The following AFF1 variants were observed in gnomAD, a reference collection of about 807,000 sequenced individuals.
AFF1 encodes ALF transcription elongation factor 1.
In AFF1, 48 loss-of-function variants were observed where a neutral mutation model predicts 121.7. The observed-to-expected ratio is 0.39, with a 90% CI of 0.31 to 0.50. AFF1 has a LOEUF of 0.50. Ranked by LOEUF, AFF1 falls within the 20% of genes least tolerant of loss-of-function variation. The probability of loss-of-function intolerance (pLI) is 0.76; values close to 1 mark genes in which losing one functional copy is unlikely to be tolerated. For missense variants in AFF1, 1,523 were observed against 1,511.7 expected, an observed-to-expected ratio of 1.01 and a Z score of -0.12; for synonymous variants, 613 against 563.0, an observed-to-expected ratio of 1.09 and a Z score of -1.26.
intron 5 of AFF1, among the ~76,000 whole-genome samples, chr4:87,087,427 G>A (rs951851145): frequency 2.0e-5 from 3 of 152,192 alleles, no homozygotes; most frequent in Non-Finnish European, 4.4e-5. Context: ...GTGTATTAGA[G>A]GAACAATTAG....
At chr4:86,937,442 T>A (rs1222507491) in intron 1 of AFF1, among the ~76,000 whole-genome samples, 2 of 152,198 alleles carry the variant, frequency 1.3e-5, no homozygotes, top group Non-Finnish European at 2.9e-5. Flanking sequence ...TCCTCTCCGG[T>A]TTAACTGAAT....
chr4:86,971,292 C>T (rs1284122772), intron 2 of AFF1, among the ~76,000 whole-genome samples: 2 of 152,218 alleles, frequency 1.3e-5, no homozygotes, highest in Non-Finnish European at 2.9e-5. Flanking sequence ...CGTTTCCTAG[C>T]ATGCATTATA....
chr4:87,124,932 C>A (rs1728076778), intron 12 of AFF1, 105 bp from the exon 13 acceptor site: 2 of 896,180 alleles, frequency 2.2e-6, no homozygotes, highest in Non-Finnish European at 3.3e-6. Flanking sequence ...ACAGAGATGT[C>A]TCCAAAGGTT....
chr4:87,054,318 C>G (rs575931952), intron 4 of AFF1, among the ~76,000 whole-genome samples: 1 of 152,164 alleles, frequency 6.6e-6, no homozygotes, highest in Non-Finnish European at 1.5e-5. Flanking sequence ...ACATGTGGGT[C>G]TCGGGCACAA....
rs555247217 is a variant in AFF1, at chr4:87,044,278, T to G, written c.39-1888T>G. ...CATGTGTCTTCCAGAGTTAAATCTT[T>G]TTTAAATAGTTGTAAGTTTGTAAAA... On this transcript the variant is annotated intron_variant, in intron 2 of 20. Transcript: ENST00000395146. Among the ~76,000 whole-genome samples the G allele has an allele frequency of 5.9e-5, 9 of 152,364 alleles. No individual in the cohort carries two copies. The South Asian group carries it at 1.9e-3, about 32-fold the overall frequency.
At chr4:86,985,479 C>A (rs1578900367) in intron 2 of AFF1, among the ~76,000 whole-genome samples, 1 of 149,088 alleles carries the variant, frequency 6.7e-6, no homozygotes, top group East Asian at 2.0e-4. Flanking sequence ...GCACTCCAGC[C>A]CGGGCCGACA....
rs1728295096 is a variant in AFF1 at position 87,024,140 on chromosome 4, A to ATGGCAAGTG, written c.39-22025_39-22017dup. On this transcript the variant is annotated intron_variant, in intron 2 of 20. Transcript: ENST00000395146. ...CCATTATACAGATAAACTGAGGCTC[A>ATGGCAAGTG]TGGCAAGTGACGGCTGATACACAGC... Among the ~76,000 whole-genome samples, 19 of 152,344 alleles carry ATGGCAAGTG rather than the reference A, an allele frequency of 1.2e-4. No individual in the cohort carries two copies. The South Asian group carries it at 3.7e-3, about 30-fold the overall frequency.
intron 4 of AFF1, among the ~76,000 whole-genome samples, chr4:87,072,157 A>T (rs755583699): frequency 6.6e-6 from 1 of 152,144 alleles, no homozygotes; most frequent in Non-Finnish European, 1.5e-5. Flanking sequence ...AAGTCAGGAG[A>T]TCTAGACCAT....
intron 5 of AFF1, among the ~76,000 whole-genome samples, chr4:87,084,983 A>T (rs1001220814): frequency 1.3e-5 from 2 of 152,250 alleles, no homozygotes; most frequent in African/African-American, 4.8e-5. Context: ...CAGTGAGACG[A>T]TGAAATTTTA....
At chr4:87,036,822 C>G (rs764100674) in intron 2 of AFF1, 1 of 511,838 alleles carries the variant, frequency 2.0e-6, no homozygotes, top group South Asian at 1.4e-5. Context: ...TTTTTTCTCT[C>G]TCTCCCCTCC....
At chr4:86,997,743 C>A (rs1445054535) in intron 2 of AFF1, among the ~76,000 whole-genome samples, 5 of 143,632 alleles carry the variant, frequency 3.5e-5, no homozygotes, top group Non-Finnish European at 7.5e-5. Context: ...GCCTGGGCAA[C>A]AGATCGAGAC....
Position 87,127,681 on chromosome 4 carries a change from T to A in AFF1, c.2942T>A (p.Met981Lys). 1 of 1,614,212 alleles carries A rather than the reference T, an allele frequency of 6.2e-7. No homozygotes were observed. Among genetic ancestry groups the A allele is most frequent in the Non-Finnish European group, 8.5e-7 (1 of 1,180,050 alleles). The change falls in exon 16 of 21, where the codon ATG becomes AAG. Residue 981 changes from methionine (M) to lysine (K), a missense_variant. Transcript: ENST00000395146. ...ADLHMREAKK[M>K]KQKAELMTDR... ...CTTCACATGAGGGAGGCAAAAAAGA[T>A]GAAGCAGAAAGCAGAGTTAATGGTT...
chr4:87,060,612 G>C (rs893687128), intron 4 of AFF1, among the ~76,000 whole-genome samples: 1 of 152,058 alleles, frequency 6.6e-6, no homozygotes. Context: ...GCTGAGGCGG[G>C]TGGATCACCT....
rs558224991 is a variant in AFF1, at chr4:87,019,409, C to G, written c.39-26757C>G. ...TCTAATCTAATTGTAAGTCTAAAGA[C>G]TTTTATTCCAGAGAGTTCCTGCCCC... On this transcript the variant is annotated intron_variant, in intron 2 of 20. Transcript: ENST00000395146. Among the ~76,000 whole-genome samples, 24 of 152,296 alleles carry G rather than the reference C, an allele frequency of 1.6e-4. No individual in the cohort carries two copies. In the South Asian group the frequency reaches 3.3e-3, roughly 21 times the overall value.
intron 2 of AFF1, among the ~76,000 whole-genome samples, chr4:87,009,884 A>G (rs1726558664): frequency 6.6e-6 from 1 of 152,204 alleles, no homozygotes; most frequent in Non-Finnish European, 1.5e-5. Flanking sequence ...CTCTTGAGAC[A>G]ATTAATTTAG....
chr4:87,063,837 G>A (rs992178713), intron 4 of AFF1, among the ~76,000 whole-genome samples: 1 of 152,174 alleles, frequency 6.6e-6, no homozygotes, highest in Non-Finnish European at 1.5e-5. Flanking sequence ...TAGGAAAATT[G>A]TATATTATCC....
At position 87,006,877 on chromosome 4, in the gene AFF1, T is replaced by A. The variant is rs940126718; in HGVS notation, c.39-39289T>A. The A allele has an allele frequency of 4.3e-5, 37 of 855,822 alleles. 1 individual carries two copies. In the East Asian group the frequency reaches 1.8e-3, roughly 43 times the overall value. The allele number at this position is 855,822 out of a possible 1,614,324, so 53.0% of individuals were successfully genotyped here. On this transcript the variant is annotated intron_variant, in intron 2 of 20. Coordinates refer to ENST00000395146, the MANE Select transcript of AFF1 (RefSeq NM_001166693.3). ...CCTGCCTGCCGCTTGCCGCCTGCCT[T>A]TGGCTAGGGCCGCCGAGCGCCCTGC...
intron 4 of AFF1, among the ~76,000 whole-genome samples, chr4:87,068,164 TC>T (rs34086212): frequency 0.83 from 125,243 of 151,078 alleles, 52,214 homozygotes; most frequent in African/African-American, 0.92. Context: ...GTTTTAAAAT[TC>T]CCATTGCCAG....
At chr4:87,070,537 T>C (rs987019942) in intron 4 of AFF1, among the ~76,000 whole-genome samples, 3 of 152,256 alleles carry the variant, frequency 2.0e-5, no homozygotes, top group African/African-American at 7.2e-5. Context: ...AAACTGAAAA[T>C]ATTGGCAGCT....
Sources: gnomAD v4.1 joint callset for allele counts (sites outside exome capture counted in the v4.1 genomes callset) on GRCh38, gnomAD v4.1.1 for gene constraint, MANE v1.5 for transcripts, NCBI Gene and HGNC (gene_info 2026-07-23, HGNC 2026-07-21) for gene names.